Variants in BCAT1 observed in about 807,000 individuals in gnomAD.
BCAT1 encodes the protein branched chain amino acid transaminase 1.
In BCAT1, 48 loss-of-function variants were observed where a neutral mutation model predicts 52.4. The observed-to-expected ratio is 0.92, with a 90% CI of 0.73 to 1.16. The LOEUF is 1.16. Ranked by LOEUF, BCAT1 falls within the 50% of genes most tolerant of loss-of-function variation. The pLI is 0.00. For missense variants in BCAT1, 451 were observed against 457.1 expected (o/e 0.99, Z 0.12); for synonymous variants, 167 against 161.3 (o/e 1.04, Z -0.27).
intron 10 of BCAT1, 37 bp downstream of exon 10, chr12:24,829,786 G>C (rs1349130650): frequency 2.0e-6 from 3 of 1,513,656 alleles, no homozygotes; most frequent in Non-Finnish European, 2.7e-6. Context: ...AAAAAGAAAA[G>C]AAAAGGAAAG....
At chr12:24,854,385 AC>A (rs1384420915) in intron 5 of BCAT1, among the ~76,000 whole-genome samples, 3 of 25,554 alleles carry the variant, frequency 1.2e-4, no homozygotes, top group Non-Finnish European at 3.8e-4. Context: ...CTAAAGCAAG[AC>A]AATTTTTTTT....
chr12:24,943,450 AC>A (rs1943877402), intron 1 of BCAT1, among the ~76,000 whole-genome samples: 1 of 136,234 alleles, frequency 7.3e-6, no homozygotes. Flanking sequence ...CCATGATTGT[AC>A]CACTGCACTC....
chr12:24,942,800 C>T (rs373303952), intron 1 of BCAT1, among the ~76,000 whole-genome samples: 1 of 152,254 alleles, frequency 6.6e-6, no homozygotes. Context: ...AGTTGAAGAT[C>T]GAAGAAATTA....
chr12:24,935,581 C>G (rs892057786), intron 1 of BCAT1, among the ~76,000 whole-genome samples: 1 of 152,202 alleles, frequency 6.6e-6, no homozygotes, highest in Non-Finnish European at 1.5e-5. Context: ...CTAATTCTAG[C>G]ATCTTTTACA....
intron 1 of BCAT1, among the ~76,000 whole-genome samples, chr12:24,942,516 C>T (rs1022666820): frequency 6.8e-5 from 10 of 147,576 alleles, no homozygotes; most frequent in African/African-American, 1.0e-4. Flanking sequence ...TGCACTCCAG[C>T]GTGGGTGACA....
At chr12:24,933,275 T>G (rs73063679) in intron 1 of BCAT1, among the ~76,000 whole-genome samples, 5,914 of 152,126 alleles carry the variant, frequency 0.039, 124 homozygotes, top group South Asian at 0.067. Flanking sequence ...GGCAACATGT[T>G]ATTTTATTTA....
chr12:24,837,574 G>A (rs559091560), intron 7 of BCAT1, among the ~76,000 whole-genome samples: 133 of 151,438 alleles, frequency 8.8e-4, no homozygotes, highest in African/African-American at 3.0e-3. Flanking sequence ...TTACAGGTAC[G>A]CGCCACCACG....
intron 3 of BCAT1, among the ~76,000 whole-genome samples, chr12:24,883,623 T>C (rs567194883): frequency 6.6e-6 from 1 of 152,154 alleles, no homozygotes; most frequent in African/African-American, 2.4e-5. Context: ...AAAATTAAAA[T>C]TAAACTACCA....
upstream of BCAT1, chr12:24,949,176 C>G (rs549197272): frequency 2.8e-4 from 152 of 541,468 alleles, no homozygotes; most frequent in African/African-American, 2.4e-3. Context: ...GCTGCTCCCC[C>G]AGGCCGCCCC....
chr12:24,891,754 GTT>G (rs768039557), intron 3 of BCAT1, among the ~76,000 whole-genome samples: 1 of 142,176 alleles, frequency 7.0e-6, no homozygotes. Flanking sequence ...AGAGGTTTTT[GTT>G]TTTTTTTTTT....
In BCAT1 at chr12:24,814,457, G is replaced by T. The variant is rs191530681; in HGVS notation, c.*3551C>A. 6.7e-6 allele frequency: 1 copy of T among 150,028 alleles called. No individual in the cohort carries two copies. The highest frequency in any genetic ancestry group is 1.5e-5 in the Non-Finnish European group (1 of 67,692). The allele number at this position is 150,028 out of a possible 1,614,324, so 9.3% of individuals were successfully genotyped here. A position where few individuals can be genotyped will look rare whatever the true frequency, so the allele number is the denominator to read the frequency against. On this transcript the variant is annotated 3_prime_UTR_variant, in exon 11 of 11. Transcript: ENST00000261192. Reference sequence around the variant, plus strand: ...ACAGAATATAGTGACTGAGCACTGAGTGGGATTGAAGAAAATAAATGAGCT... The same window carrying T: ...ACAGAATATAGTGACTGAGCACTGATTGGGATTGAAGAAAATAAATGAGCT...
At chr12:24,851,862 G>A (rs1941524083) in intron 5 of BCAT1, among the ~76,000 whole-genome samples, 1 of 152,110 alleles carries the variant, frequency 6.6e-6, no homozygotes, top group Admixed American at 6.6e-5. Context: ...TAACCTCTCA[G>A]TTAAGAAATG....
chr12:24,896,312 A>G (rs746116879), intron 2 of BCAT1, among the ~76,000 whole-genome samples: 3 of 152,218 alleles, frequency 2.0e-5, no homozygotes, highest in African/African-American at 7.2e-5. Flanking sequence ...GGTCAGGCAG[A>G]CTTTACTTGC....
chr12:24,836,823 A>AAGGAAGGAAGGAAG (rs58633254), intron 7 of BCAT1, among the ~76,000 whole-genome samples: 1 of 114,364 alleles, frequency 8.7e-6, no homozygotes, highest in African/African-American at 3.4e-5. Flanking sequence ...GGAAGGAAAG[A>AAGGAAGGAAGGAAG]AGGAAGGAAG....
At chr12:24,844,894 C>CAAAAAAAAAAAAAAAAAAAAAAAA (rs11318750) in intron 6 of BCAT1, among the ~76,000 whole-genome samples, 4 of 35,998 alleles carry the variant, frequency 1.1e-4, no homozygotes, top group Non-Finnish European at 2.0e-4. Context: ...GAGACTGTCT[C>CAAAAAAAAAAAAAAAAAAAAAAAA]AAAAAAAAAA....
At chr12:24,916,182 TG>T in intron 1 of BCAT1, among the ~76,000 whole-genome samples, 1 of 152,222 alleles carries the variant, frequency 6.6e-6, no homozygotes, top group South Asian at 2.1e-4. Context: ...CTTGAAGCAA[TG>T]AAGCCAAGCC....
chr12:24,842,161 C>T lies in BCAT1; in HGVS notation c.738G>A (p.Leu246=), dbSNP rs1941195418. 2 of 1,613,464 alleles carry T rather than the reference C, an allele frequency of 1.2e-6. No individual in the cohort carries two copies. The highest frequency in any genetic ancestry group is 1.3e-5 in the African/African-American group (1 of 74,894). Reference sequence around the variant, plus strand: ...TCTGATGGTCCTCTCCATAGAGCCACAGGACCTGCTGACACCCATTATCTA... The same window carrying T: ...TCTGATGGTCCTCTCCATAGAGCCATAGGACCTGCTGACACCCATTATCTA... The part of the protein sequence containing the change: ...EAVDNGCQQV[L]WLYGEDHQIT... The change falls in exon 7 of 11, where the codon CTG becomes CTA. Residue 246 remains leucine, a synonymous_variant. Coordinates refer to ENST00000261192, the MANE Select transcript of BCAT1 (RefSeq NM_005504.7).
chr12:24,865,033 T>C (rs1481399829), intron 5 of BCAT1, among the ~76,000 whole-genome samples: 2 of 152,176 alleles, frequency 1.3e-5, no homozygotes, highest in African/African-American at 4.8e-5. Flanking sequence ...AAACTCCCTT[T>C]CTTCTAAATG....
At chr12:24,861,726 A>G (rs74071959) in intron 5 of BCAT1, among the ~76,000 whole-genome samples, 6,477 of 152,282 alleles carry the variant, frequency 0.043, 441 homozygotes, top group African/African-American at 0.15. Flanking sequence ...AATAGGGGAT[A>G]GATAAAATGA....
Sources: gnomAD v4.1 joint callset for allele counts (sites outside exome capture counted in the v4.1 genomes callset) on GRCh38, gnomAD v4.1.1 for gene constraint, MANE v1.5 for transcripts, NCBI Gene and HGNC (gene_info 2026-07-23, HGNC 2026-07-21) for gene names.